The following SPECC1 variants were observed in gnomAD, a reference collection of about 807,000 sequenced individuals.
The protein encoded by SPECC1 is sperm antigen with calponin homology and coiled-coil domains 1, also known as cytospin-B.
A neutral mutation model predicts 104.1 loss-of-function variants in SPECC1; 62 were observed. That is an observed-to-expected ratio of 0.60 (90% CI 0.49 to 0.74). The LOEUF (loss-of-function observed/expected upper bound fraction) is 0.74. Ranked by LOEUF, SPECC1 falls within the 30% of genes least tolerant of loss-of-function variation. The pLI is 0.00. For missense variants in SPECC1, 1,306 were observed against 1,310.5 expected, an observed-to-expected ratio of 1.00 and a Z score of 0.05; for synonymous variants, 513 against 501.6, an observed-to-expected ratio of 1.02 and a Z score of -0.30.
chr17:20,018,816 C>T lies in SPECC1; in HGVS notation c.-22+9392C>T, dbSNP rs548186907. Among the ~76,000 whole-genome samples, 26 of 152,334 alleles carry T rather than the reference C, an allele frequency of 1.7e-4. No individual in the cohort carries two copies. In the East Asian group the frequency reaches 4.2e-3, roughly 25 times the overall value. On this transcript the variant is annotated intron_variant, in intron 1 of 14. Transcript: ENST00000395527. ...CTCCCCGAGGAAGGAGCTGTGACAA[C>T]GCATGTGAAATGCTGTCTACCAGGG...
chr17:20,170,195 G>C (rs2151175590), intron 3 of SPECC1, among the ~76,000 whole-genome samples: 1 of 152,298 alleles, frequency 6.6e-6, no homozygotes, highest in East Asian at 1.9e-4. Flanking sequence ...GCTGCAGTTG[G>C]TTGCTTCTCC....
chr17:20,182,632 T>C (rs1053119114), intron 3 of SPECC1, among the ~76,000 whole-genome samples: 2 of 152,188 alleles, frequency 1.3e-5, no homozygotes, highest in Non-Finnish European at 2.9e-5. Flanking sequence ...AGAATGTTTT[T>C]AAAAAAACTG....
chr17:20,051,207 G>A (rs1460304166), intron 1 of SPECC1, among the ~76,000 whole-genome samples: 3 of 141,980 alleles, frequency 2.1e-5, no homozygotes, highest in African/African-American at 7.8e-5. Context: ...ACAGAGTCTT[G>A]CTTTGTTACT....
intron 7 of SPECC1, 66 bp from the exon 8 acceptor site, chr17:20,245,860 C>T: frequency 4.4e-6 from 7 of 1,576,704 alleles, no homozygotes; most frequent in Non-Finnish European, 5.2e-6. Flanking sequence ...CTGTTTTCCT[C>T]TGTGTCTTTT....
chr17:20,221,846 C>T (rs2037893969), intron 4 of SPECC1, among the ~76,000 whole-genome samples: 1 of 151,982 alleles, frequency 6.6e-6, no homozygotes, highest in Non-Finnish European at 1.5e-5. Flanking sequence ...TTTCCATTTT[C>T]ATTTGTTTTA....
At chr17:20,294,500 G>A (rs1294918636) in intron 12 of SPECC1, among the ~76,000 whole-genome samples, 2 of 152,156 alleles carry the variant, frequency 1.3e-5, no homozygotes, top group Admixed American at 6.6e-5. Context: ...TCCAGAGACA[G>A]TCTTGTAGGT....
intron 3 of SPECC1, chr17:20,156,267 G>A: frequency 7.7e-7 from 1 of 1,303,114 alleles, no homozygotes; most frequent in Non-Finnish European, 9.7e-7. Context: ...TCGCGCCGCA[G>A]CCGCAACCCC....
chr17:20,209,659 T>G (rs187515055), intron 4 of SPECC1, among the ~76,000 whole-genome samples: 1 of 152,202 alleles, frequency 6.6e-6, no homozygotes, highest in Non-Finnish European at 1.5e-5. Flanking sequence ...TGTAGTCACA[T>G]GACATACTTC....
At chr17:20,096,322 T>TA (rs1439854363) in intron 1 of SPECC1, among the ~76,000 whole-genome samples, 1 of 152,212 alleles carries the variant, frequency 6.6e-6, no homozygotes, top group African/African-American at 2.4e-5. Flanking sequence ...GGGTGTGAGA[T>TA]ACAGATACAT....
chr17:20,102,728 TCTCTGGAATC>T (rs1471458652), intron 2 of SPECC1, among the ~76,000 whole-genome samples: 1 of 152,178 alleles, frequency 6.6e-6, no homozygotes, highest in Non-Finnish European at 1.5e-5. Context: ...TCTATTGTAC[TCTCTGGAATC>T]CCCGTTGCAT....
intron 2 of SPECC1, among the ~76,000 whole-genome samples, chr17:20,099,948 T>C (rs1383212624): frequency 6.6e-6 from 1 of 152,112 alleles, no homozygotes; most frequent in Non-Finnish European, 1.5e-5. Context: ...GTCCCTGATA[T>C]AAAGGGTGTT....
At position 20,038,475 on chromosome 17, in the gene SPECC1, C is replaced by G. The variant is rs1319109778; in HGVS notation, c.-22+29051C>G. Among the ~76,000 whole-genome samples the G allele has an allele frequency of 1.0e-4, 15 of 147,182 alleles. No individual in the cohort carries two copies. The East Asian group carries it at 1.4e-3, about 14-fold the overall frequency. On this transcript the variant is annotated intron_variant, in intron 1 of 14. Transcript: ENST00000395527. ...CGTGCAGTGGCACAATCTTGGCTCA[C>G]TGCAACCTCTGCTGCCTGTGTTCAA...
chr17:20,059,564 TTC>T (rs1368393456), intron 1 of SPECC1, among the ~76,000 whole-genome samples: 13 of 47,344 alleles, frequency 2.7e-4, no homozygotes, highest in African/African-American at 8.3e-4. Context: ...GAAGTGCAAC[TTC>T]TTCTACTCTA....
rs186719740 is a variant in SPECC1 at position 20,044,302 on chromosome 17, G to A, written c.-22+34878G>A. On this transcript the variant is annotated intron_variant, in intron 1 of 14. Coordinates refer to ENST00000395527, the MANE Select transcript of SPECC1 (RefSeq NM_001243439.2). ...TCTGAGGCTGTTCTTACGAGGTAGTGGTAAAGTATGGGTATGGGATTCAGT... is the reference window on the plus strand; with the variant it reads ...TCTGAGGCTGTTCTTACGAGGTAGTAGTAAAGTATGGGTATGGGATTCAGT... Among the ~76,000 whole-genome samples the A allele has an allele frequency of 5.3e-5, 8 of 152,242 alleles. No individual in the cohort carries two copies. In the South Asian group the frequency reaches 1.0e-3, roughly 20 times the overall value.
chr17:20,019,919 G>A (rs547261975), intron 1 of SPECC1, among the ~76,000 whole-genome samples: 1 of 152,120 alleles, frequency 6.6e-6, no homozygotes, highest in Non-Finnish European at 1.5e-5. Context: ...TTGCCTCATT[G>A]TGTATAATCT....
chr17:20,034,095 C>CTTTTTTTTTTTT (rs34012755), intron 1 of SPECC1, among the ~76,000 whole-genome samples: 1 of 144,840 alleles, frequency 6.9e-6, no homozygotes, highest in Non-Finnish European at 1.5e-5. Context: ...GTTTGATATT[C>CTTTTTTTTTTTT]TTTTTTTTTT....
At chr17:20,057,366 G>T (rs896700530) in intron 1 of SPECC1, among the ~76,000 whole-genome samples, 1 of 152,082 alleles carries the variant, frequency 6.6e-6, no homozygotes, top group Non-Finnish European at 1.5e-5. Context: ...GCGTGAACCC[G>T]GGAGGCAGAG....
chr17:20,150,063 C>T (rs955727734), intron 3 of SPECC1, among the ~76,000 whole-genome samples: 7 of 151,990 alleles, frequency 4.6e-5, no homozygotes, highest in East Asian at 1.9e-4. Flanking sequence ...AGCTCCGCCT[C>T]CCGGGTTCAC....
chr17:20,206,476 T>C (rs2036787904), intron 4 of SPECC1, among the ~76,000 whole-genome samples: 1 of 152,258 alleles, frequency 6.6e-6, no homozygotes, highest in African/African-American at 2.4e-5. Flanking sequence ...GTACATGTTA[T>C]TAACTTTTTT....
Sources: allele counts gnomAD v4.1 joint callset (sites outside exome capture counted in the v4.1 genomes callset), GRCh38; gene constraint gnomAD v4.1.1; transcripts MANE v1.5; gene names NCBI Gene and HGNC (gene_info 2026-07-23, HGNC 2026-07-21).